Variants in ERBIN observed in about 807,000 individuals in gnomAD.
The protein encoded by ERBIN is densin-180-like protein.
In ERBIN, 60 loss-of-function variants were observed where a neutral mutation model predicts 158.4. That is an observed-to-expected ratio of 0.38 (90% CI 0.31 to 0.47). ERBIN has a LOEUF of 0.47. ERBIN is among the 20% of genes least tolerant of loss of function. ERBIN has a pLI of 0.99. For synonymous variants in ERBIN, 594 were observed against 557.2 expected (o/e 1.07, Z -0.93); for missense variants, 1,610 against 1,648.0 (o/e 0.98, Z 0.40).
In ERBIN at chr5:66,080,055, T is replaced by G. The variant is rs1013584007; in HGVS notation, c.*1525T>G. 6.6e-6 allele frequency: 1 copy of G among 152,222 alleles called. No homozygotes were observed. Among genetic ancestry groups the G allele is most frequent in the Non-Finnish European group, 1.5e-5 (1 of 67,984 alleles). The allele number at this position is 152,222 out of a possible 1,614,324, so 9.4% of individuals were successfully genotyped here. ...AACCTTTCATTAGAGCAATATTTGG[T>G]TATTGCACTTCATTTTTATTTACTA... is the stretch of plus-strand genomic sequence containing the variant. On this transcript the variant is annotated 3_prime_UTR_variant, in exon 26 of 26. Transcript: ENST00000284037.
At chr5:66,029,799 C>A (rs1298581406) in intron 14 of ERBIN, among the ~76,000 whole-genome samples, 2 of 151,896 alleles carry the variant, frequency 1.3e-5, no homozygotes, top group Non-Finnish European at 2.9e-5. Flanking sequence ...GAAACAGGGC[C>A]AGGATGGTCT....
chr5:66,003,241 A>T, intron 4 of ERBIN, among the ~76,000 whole-genome samples: 1 of 152,160 alleles, frequency 6.6e-6, no homozygotes, highest in Admixed American at 6.5e-5. Context: ...TGGGATGTTG[A>T]CACCTGCCTG....
At chr5:65,985,303 G>T (rs750283637) in intron 1 of ERBIN, among the ~76,000 whole-genome samples, 12 of 152,194 alleles carry the variant, frequency 7.9e-5, no homozygotes, top group African/African-American at 2.9e-4. Context: ...ATGTTGGCCA[G>T]GCGGTCTTAA....
chr5:66,015,155 C>T (rs987836194), intron 7 of ERBIN, among the ~76,000 whole-genome samples: 6 of 151,880 alleles, frequency 4.0e-5, no homozygotes, highest in South Asian at 2.1e-4. Context: ...ATTAGAAATG[C>T]GATGATTGGT....
In ERBIN at chr5:65,998,152, C is replaced by T. The variant is rs564430664; in HGVS notation, c.307+3288C>T. Among the ~76,000 whole-genome samples the T allele has an allele frequency of 4.6e-5, 7 of 151,488 alleles. No homozygotes were observed. The South Asian group carries it at 1.5e-3, about 32-fold the overall frequency. On this transcript the variant is annotated intron_variant, in intron 4 of 25. Transcript: ENST00000284037. Reference sequence around the variant, plus strand: ...TGAGGCATGAGAATCACTTGAACCCCAGGAGATGGAGGTTACAGTGAGCCA... The same window carrying T: ...TGAGGCATGAGAATCACTTGAACCCTAGGAGATGGAGGTTACAGTGAGCCA...
At chr5:65,982,222 G>A (rs919728770) in intron 1 of ERBIN, among the ~76,000 whole-genome samples, 2 of 152,140 alleles carry the variant, frequency 1.3e-5, no homozygotes, top group East Asian at 1.9e-4. Flanking sequence ...AGTAGTGTAC[G>A]TTACAGGAGA....
rs534900124 is a variant in ERBIN at position 66,068,895 on chromosome 5, T to G, written c.3634-3274T>G. 1.4e-5 allele frequency: 21 copies of G among 1,535,444 alleles called. No individual in the cohort carries two copies. In the Middle Eastern group the frequency reaches 5.0e-4, roughly 37 times the overall value. On this transcript the variant is annotated intron_variant, in intron 21 of 25. Coordinates refer to ENST00000284037, the MANE Select transcript of ERBIN (RefSeq NM_001253697.2). ...TATTCAGAGCATGCTGTCAAGGTCCTTTAATTCCAATTTTACTACTGTAAG... is the reference window on the plus strand; with the variant it reads ...TATTCAGAGCATGCTGTCAAGGTCCGTTAATTCCAATTTTACTACTGTAAG...
At position 66,081,006 on chromosome 5, in the gene ERBIN, A is replaced by C. The variant is rs1311843033; in HGVS notation, c.*2476A>C. On this transcript the variant is annotated 3_prime_UTR_variant, in exon 26 of 26. Coordinates refer to ENST00000284037, the MANE Select transcript of ERBIN (RefSeq NM_001253697.2). The stretch of plus-strand genomic sequence containing the variant: ...TAAAGTTTCAAAATTTGAATAAAAT[A>C]ATTAAATTTTTTGAGGAAGTGGAGA... The C allele has an allele frequency of 6.6e-6, 1 of 152,012 alleles. No individual in the cohort carries two copies. Among genetic ancestry groups the C allele is most frequent in the Non-Finnish European group, 1.5e-5 (1 of 67,864 alleles). The allele number at this position is 152,012 out of a possible 1,614,324, so 9.4% of individuals were successfully genotyped here.
chr5:65,957,872 C>G (rs1404819502), intron 1 of ERBIN, among the ~76,000 whole-genome samples: 2 of 149,096 alleles, frequency 1.3e-5, no homozygotes, highest in African/African-American at 2.5e-5. Flanking sequence ...GGGCGGCTGC[C>G]GGGCGGAGGC....
intron 2 of ERBIN, among the ~76,000 whole-genome samples, chr5:65,991,716 C>G (rs1751888798): frequency 6.6e-6 from 1 of 152,136 alleles, no homozygotes. Flanking sequence ...ACATTGTGTA[C>G]TTAATAAAGT....
chr5:66,003,153 G>A (rs776989324), intron 4 of ERBIN, among the ~76,000 whole-genome samples: 12 of 152,160 alleles, frequency 7.9e-5, no homozygotes, highest in Non-Finnish European at 1.5e-4. Context: ...GTTTTATTCT[G>A]TAGTATGGTA....
Position 66,005,605 on chromosome 5 carries a change from A to G in ERBIN, c.308-6444A>G, listed in dbSNP as rs944661907. Among the ~76,000 whole-genome samples, 7 of 152,330 alleles carry G rather than the reference A, an allele frequency of 4.6e-5. No individual in the cohort carries two copies. In the South Asian group the frequency reaches 1.2e-3, roughly 27 times the overall value. On this transcript the variant is annotated intron_variant, in intron 4 of 25. Coordinates refer to ENST00000284037, the MANE Select transcript of ERBIN (RefSeq NM_001253697.2). ...ATTCAGTTAGGAAAAGAGGAAGTCAAATTGTCCCTGTTTGCAGATGACATG... is the reference window on the plus strand; with the variant it reads ...ATTCAGTTAGGAAAAGAGGAAGTCAGATTGTCCCTGTTTGCAGATGACATG...
chr5:65,948,328 C>T (rs1274729299), intron 1 of ERBIN, among the ~76,000 whole-genome samples: 1 of 151,566 alleles, frequency 6.6e-6, no homozygotes, highest in Non-Finnish European at 1.5e-5. Flanking sequence ...GTGCGGGCTA[C>T]AATGACTGGC....
intron 1 of ERBIN, among the ~76,000 whole-genome samples, chr5:65,930,246 A>G (rs1389809439): frequency 6.6e-6 from 1 of 152,228 alleles, no homozygotes; most frequent in Non-Finnish European, 1.5e-5. Flanking sequence ...AATTCTGAAT[A>G]TCCCCTTTGC....
At position 66,046,458 on chromosome 5, in the gene ERBIN, C is replaced by T. The variant is rs1416014167; in HGVS notation, c.1708C>T (p.Pro570Ser). Reference protein sequence around the residue: ...KISEPEAEISPGSLPVTANMK... With the variant: ...KISEPEAEISSGSLPVTANMK... Reference sequence around the variant, plus strand: ...CAGTGAACCTGAAGCTGAGATTAGTCCTGGGAGTTTACCAGTGACTGCAAA... The same window carrying T: ...CAGTGAACCTGAAGCTGAGATTAGTTCTGGGAGTTTACCAGTGACTGCAAA... Residue 570 changes from proline (P) to serine (S), a missense_variant, in exon 18 of 26, where the codon CCT becomes TCT. Around this residue, in one of 2 missense-constraint regions of ERBIN, gnomAD observed 596 missense variants for 711.9 expected, o/e 0.84. Transcript: ENST00000284037. 2 of 1,611,802 alleles carry T rather than the reference C, an allele frequency of 1.2e-6. No individual in the cohort carries two copies. The highest frequency in any genetic ancestry group is 2.2e-5 in the East Asian group (1 of 44,834).
At position 65,966,378 on chromosome 5, in the gene ERBIN, G is replaced by A. The variant is rs531604439; in HGVS notation, c.-57-22257G>A. ...GATAACTTTTATTATCTTTGAGTGT[G>A]CTCCTCCATATAAAAAGGTAGGCCG... On this transcript the variant is annotated intron_variant, in intron 1 of 25. Coordinates refer to ENST00000284037, the MANE Select transcript of ERBIN (RefSeq NM_001253697.2). Among the ~76,000 whole-genome samples, 7 of 152,220 alleles carry A rather than the reference G, an allele frequency of 4.6e-5. No homozygotes were observed. In the South Asian group the frequency reaches 1.5e-3, roughly 32 times the overall value.
At chr5:66,022,300 C>T (rs1407389208) in intron 8 of ERBIN, among the ~76,000 whole-genome samples, 3 of 152,094 alleles carry the variant, frequency 2.0e-5, no homozygotes, top group Admixed American at 6.6e-5. Flanking sequence ...TCAAAAATCT[C>T]GTTCATTTTA....
At chr5:66,064,668 G>GA (rs1760806039) in intron 21 of ERBIN, among the ~76,000 whole-genome samples, 1 of 152,162 alleles carries the variant, frequency 6.6e-6, no homozygotes, top group Admixed American at 6.5e-5. Context: ...GAATTGATAA[G>GA]AAGTAGCTTA....
At chr5:66,049,358 A>G (rs961556979) in intron 19 of ERBIN, among the ~76,000 whole-genome samples, 1 of 151,884 alleles carries the variant, frequency 6.6e-6, no homozygotes, top group African/African-American at 2.4e-5. Flanking sequence ...TCTTCCTCAA[A>G]TGTTTAGCCG....
Sources: allele counts gnomAD v4.1 joint callset (sites outside exome capture counted in the v4.1 genomes callset), GRCh38; gene constraint gnomAD v4.1.1; regional missense constraint gnomAD v4.1.1; transcripts MANE v1.5; gene names NCBI Gene and HGNC (gene_info 2026-07-23, HGNC 2026-07-21).